The following NDST4 variants were observed in gnomAD, a reference collection of about 807,000 sequenced individuals.
The protein encoded by NDST4 is N-deacetylase and N-sulfotransferase 4.
Under a neutral mutation model 100.8 loss-of-function variants are expected in NDST4, and 63 were observed. That is an observed-to-expected ratio of 0.62 (90% CI 0.51 to 0.77). The LOEUF is 0.77. Ranked by LOEUF, NDST4 falls within the 30% of genes least tolerant of loss-of-function variation. The probability of loss-of-function intolerance (pLI) is 0.00; values close to 1 mark genes in which losing one functional copy is unlikely to be tolerated. For synonymous variants in NDST4, 377 were observed against 361.8 expected (o/e 1.04, Z -0.48); for missense variants, 943 against 1,018.4 (o/e 0.93, Z 1.01).
At chr4:114,970,619 A>G (rs922065822) in intron 3 of NDST4, 35 bp from the exon 4 acceptor site, 2 of 1,568,772 alleles carry the variant, frequency 1.3e-6, no homozygotes, top group Non-Finnish European at 1.7e-6. Flanking sequence ...ACTTTAGTGA[A>G]AATTTCTTAC....
At chr4:114,911,086 C>A (rs185959257) in intron 6 of NDST4, among the ~76,000 whole-genome samples, 37 of 152,276 alleles carry the variant, frequency 2.4e-4, no homozygotes, top group African/African-American at 7.7e-4. Flanking sequence ...TAGTCAAAAA[C>A]CTTCCAGTGG....
chr4:115,014,400 G>A (rs1727629974), intron 2 of NDST4, among the ~76,000 whole-genome samples: 1 of 152,012 alleles, frequency 6.6e-6, no homozygotes. Context: ...CAAAAGTTCA[G>A]AGGCCTTCTA....
chr4:114,942,287 G>T (rs1302772654), intron 4 of NDST4, among the ~76,000 whole-genome samples: 2 of 152,136 alleles, frequency 1.3e-5, no homozygotes, highest in Non-Finnish European at 2.9e-5. Flanking sequence ...ATAAGATAGG[G>T]CTTCTACCTT....
chr4:114,918,065 A>T (rs1012006846), intron 6 of NDST4, among the ~76,000 whole-genome samples: 1 of 152,124 alleles, frequency 6.6e-6, no homozygotes, highest in African/African-American at 2.4e-5. Flanking sequence ...TTTTAGATAT[A>T]TGTTTCTTAG....
chr4:115,076,431 C>A lies in NDST4; in HGVS notation c.606G>T (p.Leu202=). ...CAACCTTGGGGGCTTTGGTAATATG[C>A]AGCAAAGGAGATTGAGGGTTAACAA... ...DCFVNPQSPL[L]HITKAPKVEK... The change falls in exon 2 of 14, where the codon CTG becomes CTT. Residue 202 remains leucine, a synonymous_variant. Transcript: ENST00000264363. 6.2e-7 allele frequency: 1 copy of A among 1,613,932 alleles called. No homozygotes were observed. Among genetic ancestry groups the A allele is most frequent in the Non-Finnish European group, 8.5e-7 (1 of 1,179,958 alleles).
intron 2 of NDST4, among the ~76,000 whole-genome samples, chr4:115,017,872 G>A (rs528515670): frequency 1.3e-5 from 2 of 151,976 alleles, no homozygotes; most frequent in Non-Finnish European, 2.9e-5. Flanking sequence ...TTTACATGCA[G>A]AGGATAGTAG....
Position 114,992,188 on chromosome 4 carries a change from C to A in NDST4, c.979-14914G>T, listed in dbSNP as rs537257236. The stretch of plus-strand genomic sequence containing the variant: ...TTTTCCCTAATTTCCTTTTTCTGTT[C>A]CAGGATCCCATCAGGATAACACATT... On this transcript the variant is annotated intron_variant, in intron 2 of 13. Transcript: ENST00000264363. Among the ~76,000 whole-genome samples the A allele has an allele frequency of 4.0e-5, 6 of 151,352 alleles. No individual in the cohort carries two copies. The East Asian group carries it at 1.2e-3, about 29-fold the overall frequency.
At chr4:115,071,013 G>T (rs566819818) in intron 2 of NDST4, among the ~76,000 whole-genome samples, 2 of 151,924 alleles carry the variant, frequency 1.3e-5, no homozygotes, top group Non-Finnish European at 2.9e-5. Flanking sequence ...GCTGAGGCAG[G>T]AGAATTGCTT....
chr4:114,848,955 G>T (rs1036659485), intron 8 of NDST4, among the ~76,000 whole-genome samples: 1 of 152,186 alleles, frequency 6.6e-6, no homozygotes, highest in African/African-American at 2.4e-5. Context: ...ATGAGAAAAT[G>T]GGTGATTTAG....
In NDST4 at chr4:115,076,959, A is replaced by T; in HGVS notation, c.78T>A (p.Ile26=). Residue 26 remains isoleucine, a synonymous_variant, in exon 2 of 14, where the codon ATT becomes ATA. Coordinates refer to ENST00000264363, the MANE Select transcript of NDST4 (RefSeq NM_022569.3). ...AGTAGAGAAAATAGGCAGAAATGAC[A>T]ATGCTCACCAAGCAAAAGGTAGCTA... ...VLLATFCLVS[I]VISAYFLYSG... is the part of the protein sequence containing the mutation. 1 of 1,613,522 alleles carries T rather than the reference A, an allele frequency of 6.2e-7. No individual in the cohort carries two copies. The highest frequency in any genetic ancestry group is 8.5e-7 in the Non-Finnish European group (1 of 1,179,712).
At chr4:114,835,242 C>A (rs947566489) in intron 11 of NDST4, among the ~76,000 whole-genome samples, 3 of 152,088 alleles carry the variant, frequency 2.0e-5, no homozygotes, top group African/African-American at 7.2e-5. Flanking sequence ...TTCCAGCTTT[C>A]TGTTGTCATT....
At chr4:114,889,649 T>A (rs1724551804) in intron 6 of NDST4, among the ~76,000 whole-genome samples, 1 of 152,152 alleles carries the variant, frequency 6.6e-6, no homozygotes, top group African/African-American at 2.4e-5. Flanking sequence ...AAAGCAAACA[T>A]CAATCATAAG....
Position 114,945,268 on chromosome 4 carries a change from C to T in NDST4, c.1222-7765G>A, listed in dbSNP as rs1411251489. 2.6e-5 allele frequency among the ~76,000 whole-genome samples: 3 copies of T among 116,758 alleles called. No individual in the cohort carries two copies. The East Asian group carries it at 8.5e-4, about 33-fold the overall frequency. The allele number at this position is 116,758 out of a possible 152,430, so 76.6% of individuals were successfully genotyped here. On this transcript the variant is annotated intron_variant, in intron 4 of 13. Coordinates refer to ENST00000264363, the MANE Select transcript of NDST4 (RefSeq NM_022569.3). ...AGGTGCAGAGGATTTGGCTCATAAA[C>T]ATACAGGAGTCATTGCCAGGATTTT...
At chr4:115,013,664 C>T (rs1367362249) in intron 2 of NDST4, among the ~76,000 whole-genome samples, 1 of 151,786 alleles carries the variant, frequency 6.6e-6, no homozygotes, top group Non-Finnish European at 1.5e-5. Flanking sequence ...CACAGTAGGC[C>T]CAGCAGTTCC....
chr4:115,059,814 CAG>C (rs1472164423), intron 2 of NDST4, among the ~76,000 whole-genome samples: 2 of 151,982 alleles, frequency 1.3e-5, no homozygotes, highest in Non-Finnish European at 2.9e-5. Flanking sequence ...AAATTCCACA[CAG>C]ACACATGAGG....
intron 4 of NDST4, among the ~76,000 whole-genome samples, chr4:114,955,541 G>T (rs12643704): frequency 0.13 from 19,571 of 152,104 alleles, 1,740 homozygotes; most frequent in East Asian, 0.43. Flanking sequence ...GACTCAAAAG[G>T]CCAAGAGTGG....
intron 2 of NDST4, among the ~76,000 whole-genome samples, chr4:115,005,333 G>C (rs1298025774): frequency 6.6e-6 from 1 of 152,160 alleles, no homozygotes; most frequent in East Asian, 1.9e-4. Flanking sequence ...CCTGCTGATA[G>C]GGTGGTTTGC....
intron 2 of NDST4, among the ~76,000 whole-genome samples, chr4:115,010,027 C>A (rs1175651411): frequency 3.8e-5 from 4 of 105,258 alleles, no homozygotes; most frequent in Admixed American, 2.0e-4. Flanking sequence ...ATTAAAAAGT[C>A]AGGAAACAAC....
intron 11 of NDST4, among the ~76,000 whole-genome samples, chr4:114,835,658 T>C (rs1003268074): frequency 6.6e-6 from 1 of 152,192 alleles, no homozygotes; most frequent in Non-Finnish European, 1.5e-5. Flanking sequence ...CTGAGTTCAA[T>C]TCCTGGATAT....
Sources: allele counts gnomAD v4.1 joint callset (sites outside exome capture counted in the v4.1 genomes callset), GRCh38; gene constraint gnomAD v4.1.1; transcripts MANE v1.5; gene names NCBI Gene and HGNC (gene_info 2026-07-23, HGNC 2026-07-21).